The following GRID2 variants were observed in gnomAD, a reference collection of about 807,000 sequenced individuals.
GRID2 encodes the protein glutamate ionotropic receptor delta type subunit 2.
Under a neutral mutation model 114.8 loss-of-function variants are expected in GRID2, and 33 were observed. The observed-to-expected ratio is 0.29, with a 90% confidence interval of 0.22 to 0.38. The LOEUF is 0.38. Among genes scored for constraint, GRID2 ranks in the 10% least tolerant of loss-of-function variants. The pLI is 1.00. For synonymous variants in GRID2, 505 were observed against 449.9 expected (o/e 1.12, Z -1.55); for missense variants, 1,184 against 1,257.7 (o/e 0.94, Z 0.89).
At chr4:92,871,633 A>G (rs1033074110) in intron 2 of GRID2, among the ~76,000 whole-genome samples, 1 of 152,152 alleles carries the variant, frequency 6.6e-6, no homozygotes, top group Non-Finnish European at 1.5e-5. Flanking sequence ...GGAAGCCAAT[A>G]ATTTAGAAAC....
Position 93,684,550 on chromosome 4 carries a change from G to A in GRID2, c.2360+58115G>A, listed in dbSNP as rs116683370. 8.4e-3 allele frequency among the ~76,000 whole-genome samples: 1,283 copies of A among 152,140 alleles called. 4 individuals carry two copies. Among genetic ancestry groups the A allele is most frequent in the Non-Finnish European group, 0.014 (918 of 67,970 alleles). ...TGCTAAATTAATGAGTTTGACTCAG[G>A]TGTTCTCAAGGCCAGTTCATTGACA... On this transcript the variant is annotated intron_variant, in intron 14 of 15. Transcript: ENST00000282020.
At chr4:92,373,156 A>T (rs1366107796) in intron 1 of GRID2, among the ~76,000 whole-genome samples, 4 of 152,210 alleles carry the variant, frequency 2.6e-5, no homozygotes, top group Non-Finnish European at 5.9e-5. Context: ...GTCAGGAAGC[A>T]GGGGTAATTC....
intron 13 of GRID2, among the ~76,000 whole-genome samples, chr4:93,555,605 G>T (rs1006119943): frequency 1.3e-5 from 2 of 152,236 alleles, no homozygotes; most frequent in African/African-American, 2.4e-5. Flanking sequence ...AGCAACCCCA[G>T]TCAGGGGCTT....
intron 2 of GRID2, among the ~76,000 whole-genome samples, chr4:92,847,210 C>T (rs1389537320): frequency 2.0e-5 from 3 of 152,032 alleles, no homozygotes; most frequent in Non-Finnish European, 2.9e-5. Flanking sequence ...TCTAATTATG[C>T]TGCTGCTTCC....
At chr4:92,793,446 A>G (rs1382417819) in intron 2 of GRID2, among the ~76,000 whole-genome samples, 3 of 151,668 alleles carry the variant, frequency 2.0e-5, no homozygotes, top group African/African-American at 7.3e-5. Context: ...AATGGGTACT[A>G]GGCTTAACAC....
chr4:93,476,837 A>G (rs1485006), intron 11 of GRID2, among the ~76,000 whole-genome samples: 65,129 of 151,876 alleles, frequency 0.43, 15,516 homozygotes, highest in East Asian at 0.62. Context: ...TCTTATTTTT[A>G]TCATTAACAT....
intron 13 of GRID2, among the ~76,000 whole-genome samples, chr4:93,561,367 T>G (rs1170682213): frequency 6.6e-6 from 1 of 152,124 alleles, no homozygotes; most frequent in African/African-American, 2.4e-5. Context: ...TATCATAATT[T>G]TAAAAGCTTT....
At chr4:93,134,993 G>A (rs2149379679) in intron 4 of GRID2, among the ~76,000 whole-genome samples, 1 of 152,202 alleles carries the variant, frequency 6.6e-6, no homozygotes, top group Middle Eastern at 3.4e-3. Flanking sequence ...TTATGATAAT[G>A]AAAAGTAATA....
chr4:93,169,210 AT>A, intron 4 of GRID2, among the ~76,000 whole-genome samples: 1 of 151,936 alleles, frequency 6.6e-6, no homozygotes, highest in Admixed American at 6.6e-5. Context: ...AAGTGTAAAA[AT>A]TATAGAAAAT....
chr4:93,090,167 C>G (rs1730659777), intron 3 of GRID2, among the ~76,000 whole-genome samples: 1 of 152,160 alleles, frequency 6.6e-6, no homozygotes, highest in Admixed American at 6.6e-5. Flanking sequence ...GCGATCAAAT[C>G]CATTCAGTTT....
chr4:92,927,570 C>G (rs1427393179), intron 2 of GRID2, among the ~76,000 whole-genome samples: 1 of 151,708 alleles, frequency 6.6e-6, no homozygotes. Flanking sequence ...GTAAGCATGT[C>G]TGGACTTAGT....
At chr4:93,408,382 TA>T (rs1352037667) in intron 9 of GRID2, among the ~76,000 whole-genome samples, 1 of 148,268 alleles carries the variant, frequency 6.7e-6, no homozygotes, top group African/African-American at 2.5e-5. Context: ...TTTTTTTTTT[TA>T]ATCACTTGCA....
intron 2 of GRID2, among the ~76,000 whole-genome samples, chr4:93,015,822 T>A (rs1288023071): frequency 6.6e-6 from 1 of 151,940 alleles, no homozygotes; most frequent in Non-Finnish European, 1.5e-5. Flanking sequence ...ATACAAAAAG[T>A]AGCTACTAGA....
At chr4:92,755,191 A>G (rs1223611633) in intron 2 of GRID2, among the ~76,000 whole-genome samples, 2 of 152,158 alleles carry the variant, frequency 1.3e-5, no homozygotes, top group Non-Finnish European at 2.9e-5. Context: ...ACTCCAGTAG[A>G]CATAATATGA....
intron 1 of GRID2, among the ~76,000 whole-genome samples, chr4:92,346,930 GTCTC>G (rs1471229038): frequency 1.3e-5 from 2 of 152,246 alleles, no homozygotes; most frequent in South Asian, 2.1e-4. Flanking sequence ...TTATGCATCT[GTCTC>G]TCTATCTATC....
At chr4:92,867,253 A>G (rs186092891) in intron 2 of GRID2, among the ~76,000 whole-genome samples, 2 of 152,242 alleles carry the variant, frequency 1.3e-5, no homozygotes, top group African/African-American at 4.8e-5. Flanking sequence ...AGCTATCCTA[A>G]GTGGTAGTTG....
chr4:92,836,561 G>T (rs950911711), intron 2 of GRID2, among the ~76,000 whole-genome samples: 1 of 151,902 alleles, frequency 6.6e-6, no homozygotes. Flanking sequence ...GAAAATATTT[G>T]CATTGTTATA....
intron 2 of GRID2, among the ~76,000 whole-genome samples, chr4:92,974,770 C>T (rs1452959900): frequency 6.6e-6 from 1 of 151,938 alleles, no homozygotes; most frequent in African/African-American, 2.4e-5. Context: ...ACCACCAGGG[C>T]ACGTGTACAT....
chr4:92,742,581 A>C (rs1476598776), intron 2 of GRID2, among the ~76,000 whole-genome samples: 6 of 152,156 alleles, frequency 3.9e-5, no homozygotes, highest in Admixed American at 3.9e-4. Context: ...GGTCCTGCAT[A>C]CATCTCTGTC....
Sources: gnomAD v4.1 joint callset for allele counts (sites outside exome capture counted in the v4.1 genomes callset) on GRCh38, gnomAD v4.1.1 for gene constraint, MANE v1.5 for transcripts, NCBI Gene and HGNC (gene_info 2026-07-23, HGNC 2026-07-21) for gene names.